GRIK2: variants seen among roughly 807,000 people sequenced by gnomAD.
GRIK2 encodes glutamate ionotropic receptor kainate type subunit 2, also known as glutamate receptor ionotropic, kainate 2.
GRIK2 carries 32 observed loss-of-function variants against 100.3 expected under a neutral mutation model. The observed-to-expected ratio is 0.32, with a 90% CI of 0.24 to 0.43. The LOEUF is 0.43. GRIK2 is among the 20% of genes least tolerant of loss of function. GRIK2 has a pLI of 1.00. For synonymous variants in GRIK2, 417 were observed against 389.4 expected (o/e 1.07, Z -0.83); for missense variants, 843 against 1,114.9 (o/e 0.76, Z 3.47).
At chr6:101,827,947 A>T (rs943182435) in intron 10 of GRIK2, among the ~76,000 whole-genome samples, 1 of 151,996 alleles carries the variant, frequency 6.6e-6, no homozygotes, top group Non-Finnish European at 1.5e-5. Context: ...GCAGCTACAG[A>T]ATCTTCCATC....
At chr6:101,691,983 T>G (rs566595801) in intron 7 of GRIK2, among the ~76,000 whole-genome samples, 1 of 143,814 alleles carries the variant, frequency 7.0e-6, no homozygotes, top group East Asian at 2.1e-4. Context: ...GCCTGGGAAG[T>G]TGAGGCTGCA....
chr6:101,838,296 T>A (rs1783269463), intron 10 of GRIK2, among the ~76,000 whole-genome samples: 1 of 152,216 alleles, frequency 6.6e-6, no homozygotes, highest in South Asian at 2.1e-4. Context: ...TAAATAAATT[T>A]GTATGTTTTG....
chr6:101,876,616 C>T (rs1399851028), intron 11 of GRIK2, among the ~76,000 whole-genome samples: 1 of 151,752 alleles, frequency 6.6e-6, no homozygotes, highest in Non-Finnish European at 1.5e-5. Context: ...TCAAAGAGAG[C>T]TTATCAATGC....
At chr6:101,793,620 G>C (rs963960321) in intron 7 of GRIK2, among the ~76,000 whole-genome samples, 4 of 152,112 alleles carry the variant, frequency 2.6e-5, no homozygotes, top group East Asian at 1.9e-4. Flanking sequence ...TGCCCCTACT[G>C]GGGGGTGCCT....
At chr6:101,736,879 A>G (rs1775672919) in intron 7 of GRIK2, among the ~76,000 whole-genome samples, 1 of 152,172 alleles carries the variant, frequency 6.6e-6, no homozygotes, top group African/African-American at 2.4e-5. Context: ...TCAGACTTTT[A>G]TGCTCTGCTT....
At chr6:101,915,579 A>T (rs1789049146) in intron 12 of GRIK2, among the ~76,000 whole-genome samples, 1 of 151,380 alleles carries the variant, frequency 6.6e-6, no homozygotes, top group Non-Finnish European at 1.5e-5. Flanking sequence ...TTGTAATAAC[A>T]TTATAAAAGA....
chr6:101,424,115 A>G (rs80144880), intron 2 of GRIK2, among the ~76,000 whole-genome samples: 3,996 of 152,226 alleles, frequency 0.026, 196 homozygotes, highest in African/African-American at 0.092. Context: ...AATAAAATTC[A>G]TAACAAGTGC....
intron 12 of GRIK2, chr6:101,890,064 G>A (rs750120323): frequency 2.1e-5 from 12 of 567,024 alleles, no homozygotes; most frequent in Non-Finnish European, 3.4e-5. Context: ...TGCTGGTTGT[G>A]TCAGTAAGCT....
chr6:101,722,862 A>G (rs528950128), intron 7 of GRIK2, among the ~76,000 whole-genome samples: 1 of 152,200 alleles, frequency 6.6e-6, no homozygotes, highest in South Asian at 2.1e-4. Flanking sequence ...ATGCAAAAGC[A>G]AAGGATTTAA....
intron 12 of GRIK2, among the ~76,000 whole-genome samples, chr6:101,910,111 T>C (rs1788570493): frequency 6.6e-6 from 1 of 151,178 alleles, no homozygotes; most frequent in African/African-American, 2.4e-5. Context: ...TTAAATATCT[T>C]TATAAAGAAT....
chr6:101,529,187 A>T (rs1775298790), intron 2 of GRIK2, among the ~76,000 whole-genome samples: 1 of 152,104 alleles, frequency 6.6e-6, no homozygotes, highest in South Asian at 2.1e-4. Flanking sequence ...ACCATGGCAA[A>T]ACTCAAAATA....
chr6:101,639,981 C>T (rs1251865620), intron 4 of GRIK2, among the ~76,000 whole-genome samples: 5 of 152,164 alleles, frequency 3.3e-5, no homozygotes, highest in Non-Finnish European at 7.3e-5. Flanking sequence ...CAAAGCCTAA[C>T]ATATACCTCT....
chr6:101,872,088 A>C (rs1204573309), intron 11 of GRIK2, among the ~76,000 whole-genome samples: 1 of 151,908 alleles, frequency 6.6e-6, no homozygotes, highest in Admixed American at 6.6e-5. Context: ...GACTGATGTG[A>C]GATGGTATCT....
intron 14 of GRIK2, among the ~76,000 whole-genome samples, chr6:101,959,593 T>C (rs1000186662): frequency 6.6e-6 from 1 of 152,192 alleles, no homozygotes; most frequent in Non-Finnish European, 1.5e-5. Flanking sequence ...AGTTCTTTTC[T>C]GATCTTTGTT....
intron 2 of GRIK2, among the ~76,000 whole-genome samples, chr6:101,582,691 G>A (rs1778158973): frequency 6.6e-6 from 1 of 152,108 alleles, no homozygotes; most frequent in East Asian, 1.9e-4. Flanking sequence ...CGTTGGTAAT[G>A]TACAGAGGAT....
chr6:101,574,228 ATG>A (rs1191099927), intron 2 of GRIK2, among the ~76,000 whole-genome samples: 2 of 149,834 alleles, frequency 1.3e-5, no homozygotes, highest in African/African-American at 4.9e-5. Flanking sequence ...AAAACAGCAA[ATG>A]TGAGCTTGAA....
intron 2 of GRIK2, among the ~76,000 whole-genome samples, chr6:101,466,681 A>G (rs1215490497): frequency 6.6e-6 from 1 of 152,138 alleles, no homozygotes; most frequent in Non-Finnish European, 1.5e-5. Context: ...GATATAAATA[A>G]CTTTCTCCAG....
chr6:101,772,983 CAT>C (rs896963534), intron 7 of GRIK2, among the ~76,000 whole-genome samples: 2 of 152,000 alleles, frequency 1.3e-5, no homozygotes, highest in African/African-American at 2.4e-5. Context: ...ACATTAATAA[CAT>C]AAGTGTTGTT....
intron 2 of GRIK2, among the ~76,000 whole-genome samples, chr6:101,472,388 CAG>C (rs1181525528): frequency 2.6e-5 from 4 of 151,698 alleles, no homozygotes; most frequent in African/African-American, 7.3e-5. Flanking sequence ...TCAAAATATC[CAG>C]AGTTATTTAT....
Sources: gnomAD v4.1 joint callset for allele counts (sites outside exome capture counted in the v4.1 genomes callset) on GRCh38, gnomAD v4.1.1 for gene constraint, MANE v1.5 for transcripts, NCBI Gene and HGNC (gene_info 2026-07-23, HGNC 2026-07-21) for gene names.